Variants in CHN2 observed in about 807,000 individuals in gnomAD.
CHN2 encodes the protein beta-chimaerin.
CHN2 carries 35 observed loss-of-function variants against 56.3 expected under a neutral mutation model. That is an observed-to-expected ratio of 0.62 (90% CI 0.47 to 0.82). CHN2 has a LOEUF of 0.82. Ranked by LOEUF, CHN2 falls within the 40% of genes least tolerant of loss-of-function variation. The pLI, the probability that CHN2 is intolerant of heterozygous loss-of-function variation, is 0.00. For synonymous variants in CHN2, 210 were observed against 212.8 expected, an observed-to-expected ratio of 0.99 and a Z score of 0.12; for missense variants, 491 against 580.5, an observed-to-expected ratio of 0.85 and a Z score of 1.58.
chr7:29,483,110 C>T (rs1415890891), intron 7 of CHN2, among the ~76,000 whole-genome samples: 3 of 152,046 alleles, frequency 2.0e-5, no homozygotes, highest in Admixed American at 6.5e-5. Context: ...CGTGAGCCAC[C>T]GCGCCCGGCC....
chr7:29,500,532 G>C (rs1789854876), intron 9 of CHN2, among the ~76,000 whole-genome samples: 2 of 152,122 alleles, frequency 1.3e-5, no homozygotes, highest in South Asian at 4.2e-4. Flanking sequence ...AGAGGCTGAG[G>C]CATGGAAGAA....
chr7:29,444,225 A>G (rs1352984811), intron 6 of CHN2, among the ~76,000 whole-genome samples: 2 of 152,202 alleles, frequency 1.3e-5, no homozygotes, highest in African/African-American at 2.4e-5. Flanking sequence ...AAAAAATTCT[A>G]TTTAACCCTT....
intron 2 of CHN2, among the ~76,000 whole-genome samples, chr7:29,168,832 A>G (rs1241125029): frequency 6.6e-6 from 1 of 152,254 alleles, no homozygotes; most frequent in African/African-American, 2.4e-5. Context: ...CTAAGTATGT[A>G]TTATGTGTGC....
chr7:29,306,607 T>C (rs1794188184), intron 1 of CHN2, among the ~76,000 whole-genome samples: 2 of 152,224 alleles, frequency 1.3e-5, no homozygotes, highest in South Asian at 2.1e-4. Flanking sequence ...TGAACTGTTA[T>C]ATCCTTGCCC....
rs375882870 is a variant in CHN2, at chr7:29,345,663, T to C, written c.50-8962T>C. Among the ~76,000 whole-genome samples the C allele has an allele frequency of 7.9e-5, 12 of 152,274 alleles. 1 individual carries two copies. The highest frequency in any genetic ancestry group is 2.9e-4 in the African/African-American group (12 of 41,564). ...ATCGTGCAGAGTTTCGTAAGGCCTC[T>C]CTACCTGTTCACCGTATTGTGCCCG... On this transcript the variant is annotated intron_variant, in intron 1 of 12. Coordinates refer to ENST00000222792, the MANE Select transcript of CHN2 (RefSeq NM_004067.4).
chr7:29,188,836 C>T (rs1352547965), intron 2 of CHN2, among the ~76,000 whole-genome samples: 1 of 151,846 alleles, frequency 6.6e-6, no homozygotes, highest in Non-Finnish European at 1.5e-5. Context: ...AAACAGAAAT[C>T]ATTTCTATAG....
intron 8 of CHN2, among the ~76,000 whole-genome samples, 190 bp from the exon 9 acceptor site, chr7:29,499,677 C>A (rs1789725918): frequency 6.6e-6 from 1 of 152,124 alleles, no homozygotes; most frequent in African/African-American, 2.4e-5. Flanking sequence ...AAAATGGAAT[C>A]ATATAAGGGT....
intron 6 of CHN2, among the ~76,000 whole-genome samples, chr7:29,429,885 T>C (rs1782706527): frequency 6.6e-6 from 1 of 152,248 alleles, no homozygotes; most frequent in Non-Finnish European, 1.5e-5. Context: ...AGCGTATAGC[T>C]ATTTAAGCTT....
chr7:29,391,914 T>G (rs1029866501), intron 3 of CHN2, among the ~76,000 whole-genome samples: 1 of 152,234 alleles, frequency 6.6e-6, no homozygotes, highest in Non-Finnish European at 1.5e-5. Context: ...ATTAACTGTT[T>G]ACCTGCATGC....
chr7:29,325,824 C>T (rs1220617673), intron 1 of CHN2, among the ~76,000 whole-genome samples: 1 of 152,114 alleles, frequency 6.6e-6, no homozygotes, highest in Non-Finnish European at 1.5e-5. Context: ...GGGAAATGCT[C>T]CATCTTGGAG....
intron 7 of CHN2, among the ~76,000 whole-genome samples, chr7:29,488,580 G>C (rs908941214): frequency 6.6e-6 from 1 of 152,158 alleles, no homozygotes; most frequent in Non-Finnish European, 1.5e-5. Context: ...CCTTTTCAAA[G>C]CAAAAGAATA....
intron 7 of CHN2, among the ~76,000 whole-genome samples, chr7:29,490,255 C>T (rs1376566314): frequency 6.6e-6 from 1 of 152,178 alleles, no homozygotes; most frequent in African/African-American, 2.4e-5. Flanking sequence ...AACACCATCA[C>T]TTCCCCACCT....
intron 7 of CHN2, among the ~76,000 whole-genome samples, chr7:29,482,453 A>G (rs1332670079): frequency 6.6e-6 from 1 of 152,162 alleles, no homozygotes; most frequent in Non-Finnish European, 1.5e-5. Flanking sequence ...TGGAAACTTT[A>G]CATGGTTTTT....
chr7:29,253,134 A>G (rs1788772463), intron 1 of CHN2, among the ~76,000 whole-genome samples: 1 of 152,170 alleles, frequency 6.6e-6, no homozygotes, highest in South Asian at 2.1e-4. Flanking sequence ...TTCATCAAAT[A>G]GGGATTCCCA....
intron 2 of CHN2, among the ~76,000 whole-genome samples, chr7:29,156,782 TAAAGAA>T (rs778038359): frequency 6.6e-6 from 1 of 151,286 alleles, no homozygotes; most frequent in Admixed American, 6.6e-5. Context: ...TCTGCATAGC[TAAAGAA>T]AAAGTCCAAG....
At chr7:29,500,072 A>G in intron 9 of CHN2, 32 bp downstream of exon 9, 1 of 1,425,740 alleles carries the variant, frequency 7.0e-7, no homozygotes, top group Non-Finnish European at 9.3e-7. Flanking sequence ...ATAGTAGTAT[A>G]GTGATTTTAT....
intron 1 of CHN2, among the ~76,000 whole-genome samples, chr7:29,268,283 A>AAC (rs145638795): frequency 0.12 from 16,038 of 134,148 alleles, 1,161 homozygotes; most frequent in Non-Finnish European, 0.17. Flanking sequence ...GCTTCACCAG[A>AAC]ACACACACAC....
intron 6 of CHN2, among the ~76,000 whole-genome samples, chr7:29,424,093 C>G (rs942254401): frequency 3.3e-5 from 5 of 152,198 alleles, no homozygotes; most frequent in Non-Finnish European, 7.3e-5. Context: ...CATTGTTTAG[C>G]ACTGAAGTAT....
intron 1 of CHN2, among the ~76,000 whole-genome samples, chr7:29,325,342 T>C (rs1196637125): frequency 6.6e-6 from 1 of 152,218 alleles, no homozygotes; most frequent in African/African-American, 2.4e-5. Context: ...GTTTTCGTCC[T>C]ACCCATTCAT....
Sources: allele counts gnomAD v4.1 joint callset (sites outside exome capture counted in the v4.1 genomes callset), GRCh38; gene constraint gnomAD v4.1.1; transcripts MANE v1.5; gene names NCBI Gene and HGNC (gene_info 2026-07-23, HGNC 2026-07-21).